DCLK1: variants seen among roughly 807,000 people sequenced by gnomAD.
DCLK1 encodes the protein doublecortin like kinase 1, also known as serine/threonine-protein kinase DCLK1.
Under a neutral mutation model 86.2 loss-of-function variants are expected in DCLK1, and 16 were observed. The observed-to-expected ratio is 0.19, with a 90% CI of 0.13 to 0.28. The LOEUF (loss-of-function observed/expected upper bound fraction) is 0.28, where lower values mean the gene tolerates loss of function less well. DCLK1 is among the 10% of genes least tolerant of loss of function. The pLI, the probability that DCLK1 is intolerant of heterozygous loss-of-function variation, is 1.00. For missense variants in DCLK1, 590 were observed against 940.2 expected (o/e 0.63, Z 4.87); for synonymous variants, 369 against 370.5 (o/e 1.00, Z 0.05).
At chr13:36,016,395 G>A (rs76803409) in intron 3 of DCLK1, among the ~76,000 whole-genome samples, 2,076 of 152,106 alleles carry the variant, frequency 0.014, 36 homozygotes, top group African/African-American at 0.045. Flanking sequence ...TAGTCAAGGG[G>A]TCACCATTAA....
chr13:35,831,675 GT>G (rs1868977769), intron 8 of DCLK1, among the ~76,000 whole-genome samples: 1 of 151,954 alleles, frequency 6.6e-6, no homozygotes, highest in Admixed American at 6.6e-5. Flanking sequence ...TTGCTTGCTT[GT>G]TTTTGAAATT....
intron 3 of DCLK1, among the ~76,000 whole-genome samples, chr13:35,968,931 C>T (rs1435679016): frequency 6.6e-6 from 1 of 152,180 alleles, no homozygotes; most frequent in Non-Finnish European, 1.5e-5. Context: ...TACGTCCTAA[C>T]CAATCAGCCA....
intron 3 of DCLK1, among the ~76,000 whole-genome samples, chr13:35,967,600 G>C (rs1232503725): frequency 6.6e-6 from 1 of 152,154 alleles, no homozygotes; most frequent in African/African-American, 2.4e-5. Context: ...TGCAAGATGT[G>C]CTTTGTTAAA....
chr13:36,054,055 T>C (rs1169312317), intron 3 of DCLK1, among the ~76,000 whole-genome samples: 1 of 152,220 alleles, frequency 6.6e-6, no homozygotes, highest in East Asian at 1.9e-4. Flanking sequence ...TTGTCTTAGA[T>C]TATCTTTGCA....
chr13:35,873,115 T>G (rs1872385414), intron 4 of DCLK1, among the ~76,000 whole-genome samples: 1 of 151,930 alleles, frequency 6.6e-6, no homozygotes, highest in African/African-American at 2.4e-5. Context: ...CGGGCCAACA[T>G]GGTGAAACCC....
intron 6 of DCLK1, among the ~76,000 whole-genome samples, chr13:35,840,309 A>G (rs1313086673): frequency 7.9e-5 from 12 of 152,210 alleles, no homozygotes; most frequent in Admixed American, 7.9e-4. Flanking sequence ...TATCCTGCAT[A>G]GGAGATTCAA....
intron 4 of DCLK1, among the ~76,000 whole-genome samples, chr13:35,899,434 A>G (rs1001773115): frequency 6.6e-6 from 1 of 151,918 alleles, no homozygotes; most frequent in Non-Finnish European, 1.5e-5. Flanking sequence ...TGTACTATAC[A>G]AGGGAGGCTA....
At chr13:35,877,298 C>A (rs1394204836) in intron 4 of DCLK1, among the ~76,000 whole-genome samples, 2 of 152,134 alleles carry the variant, frequency 1.3e-5, no homozygotes, top group Non-Finnish European at 2.9e-5. Context: ...GGCAGGAGAA[C>A]CTCCACTTAG....
chr13:36,026,596 A>G (rs1208396244), intron 3 of DCLK1, among the ~76,000 whole-genome samples: 2 of 152,228 alleles, frequency 1.3e-5, no homozygotes, highest in Non-Finnish European at 2.9e-5. Context: ...AATTTATTAA[A>G]TGGAATCGAC....
chr13:35,952,617 C>G (rs1007454109), intron 3 of DCLK1, among the ~76,000 whole-genome samples: 2 of 152,282 alleles, frequency 1.3e-5, no homozygotes, highest in African/African-American at 2.4e-5. Flanking sequence ...GTTGAAATAT[C>G]TCCACTGCAA....
At chr13:35,811,004 C>A in intron 11 of DCLK1, 36 bp from the exon 12 acceptor site, 1 of 1,612,432 alleles carries the variant, frequency 6.2e-7, no homozygotes, top group Non-Finnish European at 8.5e-7. Flanking sequence ...TGTCTGAAAA[C>A]CAAGAGCTCA....
chr13:36,079,171 A>G (rs907158564), intron 3 of DCLK1, among the ~76,000 whole-genome samples: 1 of 152,200 alleles, frequency 6.6e-6, no homozygotes, highest in African/African-American at 2.4e-5. Context: ...TAGATCATAG[A>G]AAGAGGAAAA....
intron 3 of DCLK1, among the ~76,000 whole-genome samples, chr13:36,037,045 G>A (rs1882529523): frequency 6.6e-6 from 1 of 152,024 alleles, no homozygotes; most frequent in Non-Finnish European, 1.5e-5. Context: ...ACACACAGTG[G>A]AATATTATTC....
At chr13:35,795,041 T>G (rs768953892) in intron 15 of DCLK1, among the ~76,000 whole-genome samples, 3 of 152,050 alleles carry the variant, frequency 2.0e-5, no homozygotes, top group Non-Finnish European at 4.4e-5. Context: ...CCAACAAGAT[T>G]AAAAGGAGCT....
chr13:35,833,074 T>C (rs145883117), intron 8 of DCLK1, among the ~76,000 whole-genome samples: 2 of 152,272 alleles, frequency 1.3e-5, no homozygotes, highest in East Asian at 3.9e-4. Context: ...TGAGCCTGCT[T>C]GTGTTCATTG....
At chr13:35,988,484 G>A (rs1880051809) in intron 3 of DCLK1, among the ~76,000 whole-genome samples, 1 of 152,136 alleles carries the variant, frequency 6.6e-6, no homozygotes, top group African/African-American at 2.4e-5. Flanking sequence ...CATAGTGTTG[G>A]GGGAGGGAAA....
At chr13:35,955,590 A>C (rs1266439798) in intron 3 of DCLK1, among the ~76,000 whole-genome samples, 1 of 152,178 alleles carries the variant, frequency 6.6e-6, no homozygotes, top group African/African-American at 2.4e-5. Context: ...AGACTAGAGC[A>C]AAGTGTAAAA....
At chr13:35,961,055 G>T (rs9545925) in intron 3 of DCLK1, among the ~76,000 whole-genome samples, 69,734 of 152,042 alleles carry the variant, frequency 0.46, 17,557 homozygotes, top group Non-Finnish European at 0.55. Context: ...CAGCAATATA[G>T]AACAGCATAT....
chr13:35,978,320 C>T (rs1879460547), intron 3 of DCLK1, among the ~76,000 whole-genome samples: 1 of 150,306 alleles, frequency 6.7e-6, no homozygotes. Flanking sequence ...ATTCTCCTGC[C>T]TCAGCCTCCC....
Sources: gnomAD v4.1 joint callset for allele counts (sites outside exome capture counted in the v4.1 genomes callset) on GRCh38, gnomAD v4.1.1 for gene constraint, MANE v1.5 for transcripts, NCBI Gene and HGNC (gene_info 2026-07-23, HGNC 2026-07-21) for gene names.